Variants in PAH observed in about 807,000 individuals in gnomAD.
PAH encodes phenylalanine hydroxylase.
A neutral mutation model predicts 62.0 loss-of-function variants in PAH; 64 were observed. That is an observed-to-expected ratio of 1.03 (90% CI 0.84 to 1.27). The LOEUF (loss-of-function observed/expected upper bound fraction) is 1.27, where lower values mean the gene tolerates loss of function less well. Among genes scored for constraint, PAH ranks in the 50% most tolerant of loss-of-function variants. The pLI, the probability that PAH is intolerant of heterozygous loss-of-function variation, is 0.00. For synonymous variants in PAH, 195 were observed against 196.2 expected (o/e 0.99, Z 0.05); for missense variants, 579 against 542.8 (o/e 1.07, Z -0.66).
At chr12:102,927,354 C>A (rs1304605052) in intron 1 of PAH, among the ~76,000 whole-genome samples, 1 of 150,784 alleles carries the variant, frequency 6.6e-6, no homozygotes, top group Non-Finnish European at 1.5e-5. Flanking sequence ...CAGATACTGC[C>A]TGGCAGTTTT....
rs192349332 is a variant in PAH, at chr12:102,929,353, G to C, written c.-95-12128C>G. On this transcript the variant is annotated intron_variant, in intron 1 of 3. Transcript: ENST00000546844. Reference sequence around the variant, plus strand: ...GAGAACTTTTCCCTAGGAAGTTTTTGCAATCTCAGAGAGCAAAGTAGAAAT... The same window carrying C: ...GAGAACTTTTCCCTAGGAAGTTTTTCCAATCTCAGAGAGCAAAGTAGAAAT... Among the ~76,000 whole-genome samples the C allele has an allele frequency of 3.2e-4, 49 of 152,260 alleles. No individual in the cohort carries two copies. In the Middle Eastern group the frequency reaches 0.01, roughly 32 times the overall value.
intron 1 of PAH, among the ~76,000 whole-genome samples, chr12:102,937,553 TAC>T: frequency 6.6e-6 from 1 of 152,216 alleles, no homozygotes; most frequent in Non-Finnish European, 1.5e-5. Flanking sequence ...TTTAAAACTC[TAC>T]ACTTTAACTT....
intron 5 of PAH, 131 bp downstream of exon 5, chr12:102,866,465 G>A (rs1210576025): frequency 2.1e-5 from 16 of 764,414 alleles, no homozygotes; most frequent in Non-Finnish European, 3.8e-5. Flanking sequence ...GCATGCACAT[G>A]AACACATGCA....
At chr12:102,852,231 C>T (rs1195962007) in intron 7 of PAH, 1 of 199,826 alleles carries the variant, frequency 5.0e-6, no homozygotes, top group Non-Finnish European at 1.0e-5. Context: ...AGAAAACCTA[C>T]ATTTATTTAA....
intron 1 of PAH, among the ~76,000 whole-genome samples, chr12:102,949,611 G>A (rs1277009897): frequency 6.6e-6 from 1 of 152,204 alleles, no homozygotes; most frequent in Non-Finnish European, 1.5e-5. Flanking sequence ...ACGTGTCAAA[G>A]GGTGTGTGTA....
chr12:102,895,443 A>G (rs1357884477), intron 2 of PAH, among the ~76,000 whole-genome samples: 2 of 152,088 alleles, frequency 1.3e-5, no homozygotes, highest in Non-Finnish European at 2.9e-5. Context: ...GCTGGTCTTA[A>G]TTATACCTGC....
At chr12:102,858,548 T>A (rs566855963) in intron 5 of PAH, among the ~76,000 whole-genome samples, 1 of 152,290 alleles carries the variant, frequency 6.6e-6, no homozygotes, top group East Asian at 1.9e-4. Context: ...TTGCACTCAT[T>A]CCAAAATTGA....
At chr12:102,887,045 T>C (rs1050017603) in intron 3 of PAH, among the ~76,000 whole-genome samples, 19 of 152,056 alleles carry the variant, frequency 1.2e-4, no homozygotes, top group South Asian at 8.3e-4. Flanking sequence ...ATTCATAACA[T>C]GCTAAGGAAA....
rs367935352 is a variant in PAH, at chr12:102,838,755, C to T, written c.*420G>A. On this transcript the variant is annotated 3_prime_UTR_variant, in exon 13 of 13. Coordinates refer to ENST00000553106, the MANE Select transcript of PAH (RefSeq NM_000277.3). ...AATAGAAAATAAACTTCATAGGTTACGATTTATATTAAGCCCAATAATTCA... is the reference window on the plus strand; with the variant it reads ...AATAGAAAATAAACTTCATAGGTTATGATTTATATTAAGCCCAATAATTCA... 6.1e-5 allele frequency: 10 copies of T among 164,630 alleles called. No homozygotes were observed. Among genetic ancestry groups the T allele is most frequent in the East Asian group, 1.7e-4 (1 of 5,890 alleles). The allele number at this position is 164,630 out of a possible 1,614,324, so 10.2% of individuals were successfully genotyped here. A position where few individuals can be genotyped will look rare whatever the true frequency, so the allele number is the denominator to read the frequency against.
chr12:102,901,305 C>T (rs994716598), intron 2 of PAH, among the ~76,000 whole-genome samples: 17 of 152,120 alleles, frequency 1.1e-4, no homozygotes, highest in Non-Finnish European at 2.5e-4. Context: ...CTACTCACTA[C>T]CTTTGGATAT....
At chr12:102,846,396 C>T (rs1874844687) in intron 9 of PAH, among the ~76,000 whole-genome samples, 1 of 152,178 alleles carries the variant, frequency 6.6e-6, no homozygotes, top group South Asian at 2.1e-4. Context: ...AAGGAAATCA[C>T]CTGCTATGTA....
chr12:102,851,800 A>G, intron 7 of PAH, 44 bp from the exon 8 acceptor site: 1 of 1,478,120 alleles, frequency 6.8e-7, no homozygotes, highest in East Asian at 2.3e-5. Flanking sequence ...GAGGAGGTTT[A>G]AGCCAAGCCA....
chr12:102,842,629 A>G (rs965630896), intron 11 of PAH, among the ~76,000 whole-genome samples: 3 of 152,088 alleles, frequency 2.0e-5, no homozygotes, highest in Non-Finnish European at 2.9e-5. Context: ...GGGGGATGGA[A>G]TTTGGATTTA....
chr12:102,907,054 A>C (rs1177650813), intron 2 of PAH, among the ~76,000 whole-genome samples: 2 of 152,234 alleles, frequency 1.3e-5, no homozygotes, highest in African/African-American at 2.4e-5. Flanking sequence ...TTTCTTAAGA[A>C]ATGATATGTT....
chr12:102,853,249 C>T lies in PAH; in HGVS notation c.707-299G>A, dbSNP rs1875260954. 7.6e-6 allele frequency: 3 copies of T among 395,706 alleles called. No individual in the cohort carries two copies. The Admixed American group carries it at 1.1e-4, about 15-fold the overall frequency. 24.5% of individuals were successfully genotyped at this position (395,706 alleles called of 1,614,324 possible). On this transcript the variant is annotated intron_variant, in intron 6 of 12. Transcript: ENST00000553106. ...AAAGTACTTAGCACAGAGCCTAGCA[C>T]ATTGGAAACATGCAATAAATTTAGC...
At chr12:102,900,049 CTTTT>C (rs749407597) in intron 2 of PAH, among the ~76,000 whole-genome samples, 2 of 113,212 alleles carry the variant, frequency 1.8e-5, no homozygotes, top group Admixed American at 9.4e-5. Flanking sequence ...ACATTTATTG[CTTTT>C]TTTTTTTTTT....
chr12:102,937,081 G>C (rs111305162), intron 1 of PAH, among the ~76,000 whole-genome samples: 1 of 152,182 alleles, frequency 6.6e-6, no homozygotes, highest in Non-Finnish European at 1.5e-5. Flanking sequence ...ACCATGTGAA[G>C]AAGGATGTGT....
chr12:102,887,101 C>T (rs79381873), intron 3 of PAH, among the ~76,000 whole-genome samples: 5,064 of 150,378 alleles, frequency 0.034, 103 homozygotes, highest in African/African-American at 0.058. Context: ...ACAAAAATGT[C>T]GAAGAGGATG....
At chr12:102,913,671 T>C (rs778272679) in intron 1 of PAH, 2 of 598,162 alleles carry the variant, frequency 3.3e-6, no homozygotes, top group Admixed American at 2.8e-5. Flanking sequence ...CTTGCTCCCA[T>C]ATGCTGAGAT....
Sources: allele counts gnomAD v4.1 joint callset (sites outside exome capture counted in the v4.1 genomes callset), GRCh38; gene constraint gnomAD v4.1.1; transcripts MANE v1.5; gene names NCBI Gene and HGNC (gene_info 2026-07-23, HGNC 2026-07-21).